The following DEPTOR variants were observed in gnomAD, a reference collection of about 807,000 sequenced individuals.
DEPTOR encodes DEP domain-containing mTOR-interacting protein.
Under a neutral mutation model 41.6 loss-of-function variants are expected in DEPTOR, and 41 were observed. That is an observed-to-expected ratio of 0.98 (90% CI 0.77 to 1.28). DEPTOR has a LOEUF of 1.28. Ranked by LOEUF, DEPTOR falls within the 50% of genes most tolerant of loss-of-function variation. The pLI, the probability that DEPTOR is intolerant of heterozygous loss-of-function variation, is 0.00. For synonymous variants in DEPTOR, 195 were observed against 192.3 expected, an observed-to-expected ratio of 1.01 and a Z score of -0.12; for missense variants, 514 against 527.9, an observed-to-expected ratio of 0.97 and a Z score of 0.26.
intron 4 of DEPTOR, among the ~76,000 whole-genome samples, chr8:119,995,696 T>A (rs747258064): frequency 2.6e-5 from 4 of 152,174 alleles, no homozygotes; most frequent in African/African-American, 4.8e-5. Context: ...TGTGAAATGA[T>A]GTCTCTTTTA....
intron 4 of DEPTOR, among the ~76,000 whole-genome samples, chr8:119,987,448 C>T (rs118040632): frequency 0.044 from 6,770 of 152,232 alleles, 216 homozygotes; most frequent in South Asian, 0.14. Flanking sequence ...CAGAGCTCTC[C>T]GGTATGAGAT....
chr8:119,907,212 A>C (rs1306087784), intron 1 of DEPTOR, among the ~76,000 whole-genome samples: 3 of 152,150 alleles, frequency 2.0e-5, no homozygotes, highest in Non-Finnish European at 4.4e-5. Context: ...GGATTGGAAC[A>C]AGGTTGAGGG....
chr8:119,969,116 T>C (rs1251695373), intron 4 of DEPTOR, among the ~76,000 whole-genome samples: 1 of 151,336 alleles, frequency 6.6e-6, no homozygotes, highest in Non-Finnish European at 1.5e-5. Flanking sequence ...AGTCAGATGA[T>C]ACCAACTTCT....
In DEPTOR at chr8:119,929,957, C is replaced by G; in HGVS notation, c.425+19C>G. 1 of 1,601,566 alleles carries G rather than the reference C, an allele frequency of 6.2e-7. No homozygotes were observed. On this transcript the variant is annotated intron_variant, in intron 3 of 8. Transcript: ENST00000286234. ...ATGAAAAGTATGTTCCGCATGAAAT[C>G]CCCCCTGTAATCTTGACTTATAGAA...
At chr8:119,975,576 A>C (rs1828686688) in intron 4 of DEPTOR, among the ~76,000 whole-genome samples, 1 of 152,144 alleles carries the variant, frequency 6.6e-6, no homozygotes, top group Non-Finnish European at 1.5e-5. Context: ...AGGACTTAGA[A>C]ATCAAAGGTG....
intron 3 of DEPTOR, among the ~76,000 whole-genome samples, chr8:119,946,158 G>A (rs114531134): frequency 0.017 from 2,644 of 152,104 alleles, 71 homozygotes; most frequent in African/African-American, 0.061. Flanking sequence ...GGAAAACAAA[G>A]GCATTGTTCC....
intron 5 of DEPTOR, among the ~76,000 whole-genome samples, 189 bp from the exon 6 acceptor site, chr8:120,002,788 A>AT (rs1812369612): frequency 9.9e-6 from 1 of 100,830 alleles, no homozygotes; most frequent in African/African-American, 4.2e-5. Context: ...AAAAAAAAAA[A>AT]AAAATATATA....
rs1419091209 is a variant in DEPTOR at position 119,965,269 on chromosome 8, G to A, written c.463G>A (p.Glu155Lys). Residue 155 changes from glutamate (E) to lysine (K), a missense_variant, in exon 4 of 9, where the codon GAG becomes AAG. Transcript: ENST00000286234. Reference sequence around the variant, plus strand: ...TGAAAACACACTCCTGCAGCCCAGGGAGGAGGAAGGGGTCAAGTATGAGCG... The same window carrying A: ...TGAAAACACACTCCTGCAGCCCAGGAAGGAGGAAGGGGTCAAGTATGAGCG... ...SPENTLLQPR[E>K]EEGVKYERTF... is the part of the protein sequence containing the mutation. 9 of 1,613,994 alleles carry A rather than the reference G, an allele frequency of 5.6e-6. No homozygotes were observed. Among genetic ancestry groups the A allele is most frequent in the Non-Finnish European group, 7.6e-6 (9 of 1,180,038 alleles).
chr8:119,879,588 TATAGTCCCATCTACTCA>T (rs1044360966), intron 1 of DEPTOR, among the ~76,000 whole-genome samples: 2 of 151,428 alleles, frequency 1.3e-5, no homozygotes, highest in Non-Finnish European at 2.9e-5. Context: ...GGTACATGCC[TATAGTCCCATCTACTCA>T]GGAGGCGAGG....
intron 1 of DEPTOR, among the ~76,000 whole-genome samples, chr8:119,907,735 A>T (rs13265546): frequency 6.6e-6 from 1 of 151,940 alleles, no homozygotes; most frequent in African/African-American, 2.4e-5. Context: ...AACTGAGATC[A>T]TGCCACTGCA....
chr8:119,964,839 C>T (rs988412223), intron 3 of DEPTOR, among the ~76,000 whole-genome samples: 29 of 151,870 alleles, frequency 1.9e-4, no homozygotes, highest in African/African-American at 6.8e-4. Flanking sequence ...TTTGGGAGGC[C>T]GAGACGGGTG....
chr8:119,911,481 G>A (rs989316548), intron 1 of DEPTOR, among the ~76,000 whole-genome samples: 2 of 151,906 alleles, frequency 1.3e-5, no homozygotes, highest in Non-Finnish European at 2.9e-5. Flanking sequence ...ACCAGGCCTG[G>A]CTAATTTTGT....
chr8:119,927,705 T>G (rs111234652), intron 1 of DEPTOR, among the ~76,000 whole-genome samples: 2 of 151,492 alleles, frequency 1.3e-5, no homozygotes, highest in African/African-American at 4.8e-5. Context: ...ACCTCCCAGG[T>G]TCAAGCGATT....
At chr8:120,038,986 T>C (rs2130193360) in intron 8 of DEPTOR, among the ~76,000 whole-genome samples, 1 of 152,358 alleles carries the variant, frequency 6.6e-6, no homozygotes, top group East Asian at 1.9e-4. Context: ...ACTGGCAAGT[T>C]GTGACCTAAG....
chr8:119,880,603 A>T (rs1827286524), intron 1 of DEPTOR, among the ~76,000 whole-genome samples: 1 of 152,246 alleles, frequency 6.6e-6, no homozygotes, highest in South Asian at 2.1e-4. Context: ...ATAAAAAAGT[A>T]GACAAGTAGC....
chr8:120,037,789 G>C (rs915858662), intron 8 of DEPTOR, among the ~76,000 whole-genome samples: 1 of 152,124 alleles, frequency 6.6e-6, no homozygotes, highest in Non-Finnish European at 1.5e-5. Context: ...ATATGGCCCA[G>C]GTGTAGAGAT....
chr8:119,993,241 G>GT (rs1812203111), intron 4 of DEPTOR, among the ~76,000 whole-genome samples: 1 of 152,214 alleles, frequency 6.6e-6, no homozygotes, highest in Non-Finnish European at 1.5e-5. Flanking sequence ...ACCTAACGGT[G>GT]TATAGGGATC....
chr8:119,923,399 A>G (rs936886209), intron 1 of DEPTOR, among the ~76,000 whole-genome samples: 1 of 151,876 alleles, frequency 6.6e-6, no homozygotes, highest in African/African-American at 2.4e-5. Context: ...GTGTGCCACA[A>G]CACCCAGCTA....
intron 6 of DEPTOR, among the ~76,000 whole-genome samples, chr8:120,005,627 T>C (rs1812425113): frequency 6.6e-6 from 1 of 152,220 alleles, no homozygotes; most frequent in African/African-American, 2.4e-5. Context: ...TTTCTGTTTC[T>C]CTGTGGCACT....
Sources: gnomAD v4.1 joint callset for allele counts (sites outside exome capture counted in the v4.1 genomes callset) on GRCh38, gnomAD v4.1.1 for gene constraint, MANE v1.5 for transcripts, NCBI Gene and HGNC (gene_info 2026-07-23, HGNC 2026-07-21) for gene names.